The following GOLM2 variants were observed in gnomAD, a reference collection of about 807,000 sequenced individuals.
GOLM2 encodes protein GOLM2.
In GOLM2, 26 loss-of-function variants were observed where a neutral mutation model predicts 55.9. That is an observed-to-expected ratio of 0.47 (90% confidence interval 0.34 to 0.65). The LOEUF is 0.65. Ranked by LOEUF, GOLM2 falls within the 30% of genes least tolerant of loss-of-function variation. The probability of loss-of-function intolerance (pLI) is 0.01; values close to 1 mark genes in which losing one functional copy is unlikely to be tolerated. For synonymous variants in GOLM2, 165 were observed against 194.6 expected (o/e 0.85, Z 1.27); for missense variants, 486 against 531.8 (o/e 0.91, Z 0.85).
intron 6 of GOLM2, among the ~76,000 whole-genome samples, chr15:44,364,292 G>C (rs2079266970): frequency 6.6e-6 from 1 of 152,144 alleles, no homozygotes; most frequent in African/African-American, 2.4e-5. Flanking sequence ...GGGAGGCTGA[G>C]GCAGGTGGAT....
At chr15:44,344,725 C>T (rs902544018) in intron 6 of GOLM2, among the ~76,000 whole-genome samples, 5 of 151,810 alleles carry the variant, frequency 3.3e-5, no homozygotes, top group South Asian at 2.1e-4. Context: ...AGAGGGGCTG[C>T]GATTACAGGC....
chr15:44,382,526 C>T (rs1404342009), intron 8 of GOLM2, among the ~76,000 whole-genome samples: 3 of 151,786 alleles, frequency 2.0e-5, no homozygotes, highest in East Asian at 1.9e-4. Flanking sequence ...AGGGTTTCAC[C>T]GTGTTGGCCA....
intron 1 of GOLM2, among the ~76,000 whole-genome samples, chr15:44,318,491 C>T (rs1411941173): frequency 6.6e-6 from 1 of 152,146 alleles, no homozygotes; most frequent in Admixed American, 6.6e-5. Context: ...GGTGGATCGC[C>T]TGAAGTCAGG....
chr15:44,337,697 T>C, intron 4 of GOLM2, 66 bp from the exon 5 acceptor site: 3 of 1,160,572 alleles, frequency 2.6e-6, no homozygotes, highest in Non-Finnish European at 2.4e-6. Flanking sequence ...AACATTTAAT[T>C]AATAGTTGTG....
chr15:44,330,114 A>C (rs1198552091), intron 3 of GOLM2, among the ~76,000 whole-genome samples: 1 of 145,040 alleles, frequency 6.9e-6, no homozygotes, highest in East Asian at 2.1e-4. Flanking sequence ...CTTTCACCGT[A>C]TTAGCCAGGA....
intron 1 of GOLM2, among the ~76,000 whole-genome samples, chr15:44,297,485 T>G (rs549050231): frequency 6.6e-6 from 1 of 152,312 alleles, no homozygotes; most frequent in East Asian, 1.9e-4. Flanking sequence ...AATTCCTGTT[T>G]CTGTGCCTTT....
intron 6 of GOLM2, among the ~76,000 whole-genome samples, chr15:44,363,652 A>G (rs1215383568): frequency 1.3e-5 from 2 of 152,182 alleles, no homozygotes; most frequent in African/African-American, 2.4e-5. Context: ...TCAGGGATCT[A>G]GAACTAGAAA....
intron 8 of GOLM2, among the ~76,000 whole-genome samples, chr15:44,391,722 C>T (rs983046634): frequency 6.6e-6 from 1 of 152,038 alleles, no homozygotes; most frequent in Admixed American, 6.6e-5. Flanking sequence ...CCTAGAAAAA[C>T]ACTTCTATAC....
chr15:44,355,150 G>T (rs2079189379), intron 6 of GOLM2: 1 of 200,090 alleles, frequency 5.0e-6, no homozygotes, highest in Admixed American at 5.1e-5. Flanking sequence ...ACCACCAACT[G>T]CTTAGCATTC....
chr15:44,390,848 C>T (rs1304357383), intron 8 of GOLM2, among the ~76,000 whole-genome samples: 1 of 152,106 alleles, frequency 6.6e-6, no homozygotes, highest in Non-Finnish European at 1.5e-5. Flanking sequence ...GGATTACAGG[C>T]ATGAGCCACC....
chr15:44,305,322 C>T (rs2078829760), intron 1 of GOLM2, among the ~76,000 whole-genome samples: 1 of 151,754 alleles, frequency 6.6e-6, no homozygotes, highest in East Asian at 1.9e-4. Flanking sequence ...TTTTTTGAGA[C>T]AGAGTCTTGA....
intron 8 of GOLM2, among the ~76,000 whole-genome samples, chr15:44,395,041 G>A (rs1393424678): frequency 1.3e-5 from 2 of 149,104 alleles, no homozygotes; most frequent in Non-Finnish European, 3.0e-5. Context: ...ACGGAGTCTC[G>A]CTCTGTTGCC....
chr15:44,296,989 C>G (rs1184366188), intron 1 of GOLM2, among the ~76,000 whole-genome samples: 1 of 152,196 alleles, frequency 6.6e-6, no homozygotes, highest in African/African-American at 2.4e-5. Context: ...TATTCATAAA[C>G]CAATCAAAAC....
At chr15:44,323,149 A>G (rs967705888) in intron 2 of GOLM2, 130 bp downstream of exon 2, 40 of 560,638 alleles carry the variant, frequency 7.1e-5, no homozygotes, top group Non-Finnish European at 1.2e-4. Context: ...ATGGTAAAAC[A>G]TTTATCCTTT....
intron 6 of GOLM2, among the ~76,000 whole-genome samples, chr15:44,352,649 C>T (rs529409284): frequency 1.3e-5 from 2 of 152,136 alleles, no homozygotes; most frequent in South Asian, 4.2e-4. Flanking sequence ...CAGTGGCTGA[C>T]ACCTTTAATC....
rs781485114 is a variant in GOLM2, at chr15:44,328,691, T to C, written c.389T>C (p.Leu130Pro). ...MADIHHLKEQ[L>P]AELRQEFLRQ... ...TCTTACCTTGGGTGGATAGAGCAAC[T>C]TGCTGAGCTTCGTCAGGAATTTCTT... The change falls in exon 3 of 10, where the codon CTT becomes CCT. Residue 130 changes from leucine (L) to proline (P), a missense_variant. Leu to Pro is a moderately conservative substitution (Grantham distance 98). Transcript: ENST00000299957. The C allele has an allele frequency of 2.5e-6, 4 of 1,612,428 alleles. No individual in the cohort carries two copies. The highest frequency in any genetic ancestry group is 3.4e-6 in the Non-Finnish European group (4 of 1,179,362).
chr15:44,393,484 A>T (rs1230796384), intron 8 of GOLM2, among the ~76,000 whole-genome samples: 5 of 152,182 alleles, frequency 3.3e-5, no homozygotes, highest in Non-Finnish European at 7.3e-5. Flanking sequence ...TTTTGGGTGG[A>T]ATCTGATAAG....
chr15:44,299,021 G>A (rs2078778224), intron 1 of GOLM2, among the ~76,000 whole-genome samples: 2 of 152,168 alleles, frequency 1.3e-5, no homozygotes, highest in South Asian at 4.1e-4. Context: ...GATAAAGGCA[G>A]AGATTGGAGT....
At chr15:44,345,625 T>C (rs1020964523) in intron 6 of GOLM2, among the ~76,000 whole-genome samples, 2 of 152,170 alleles carry the variant, frequency 1.3e-5, no homozygotes, top group Non-Finnish European at 2.9e-5. Context: ...GTATTATACC[T>C]ATAAACAAAG....
Sources: gnomAD v4.1 joint callset for allele counts (sites outside exome capture counted in the v4.1 genomes callset) on GRCh38, gnomAD v4.1.1 for gene constraint, MANE v1.5 for transcripts, NCBI Gene and HGNC (gene_info 2026-07-23, HGNC 2026-07-21) for gene names.